GLYATL2: variants seen among roughly 807,000 people sequenced by gnomAD.
The protein encoded by GLYATL2 is glycine-N-acyltransferase like 2.
GLYATL2 carries 25 observed loss-of-function variants against 21.4 expected under a neutral mutation model. The observed-to-expected ratio is 1.17, with a 90% CI of 0.85 to 1.63. GLYATL2 has a LOEUF of 1.63. GLYATL2 is among the 40% of genes most tolerant of loss of function. The pLI, the probability that GLYATL2 is intolerant of heterozygous loss-of-function variation, is 0.00. For missense variants in GLYATL2, 361 were observed against 343.3 expected, an observed-to-expected ratio of 1.05 and a Z score of -0.41; for synonymous variants, 114 against 118.2, an observed-to-expected ratio of 0.96 and a Z score of 0.23.
At chr11:58,870,311 G>A (rs1171767120) in intron 1 of GLYATL2, among the ~76,000 whole-genome samples, 3 of 152,298 alleles carry the variant, frequency 2.0e-5, no homozygotes, top group East Asian at 1.9e-4. Context: ...GGACAGCTAC[G>A]TGCTTGAAGC....
upstream of GLYATL2, chr11:58,907,455 A>AT (rs1854926282): frequency 2.6e-5 from 11 of 424,076 alleles, no homozygotes; most frequent in South Asian, 1.8e-4. Flanking sequence ...GCAAACCATT[A>AT]TTTCATGTAT....
At chr11:58,895,795 C>T (rs999397912) in intron 1 of GLYATL2, among the ~76,000 whole-genome samples, 2 of 151,834 alleles carry the variant, frequency 1.3e-5, no homozygotes, top group Non-Finnish European at 2.9e-5. Flanking sequence ...AAGTAAATGC[C>T]GGCACCTATG....
At chr11:58,886,682 T>C (rs550275) in intron 1 of GLYATL2, among the ~76,000 whole-genome samples, 131,892 of 152,000 alleles carry the variant, frequency 0.87, 58,521 homozygotes, top group Non-Finnish European at 0.96. Flanking sequence ...GCTGAAATAG[T>C]AATACAAACC....
chr11:58,875,096 AG>A (rs2134606522), intron 1 of GLYATL2, among the ~76,000 whole-genome samples: 1 of 152,314 alleles, frequency 6.6e-6, no homozygotes, highest in South Asian at 2.1e-4. Context: ...GTTTTATCAG[AG>A]ACTAGGATTA....
At chr11:58,838,165 G>T in intron 3 of GLYATL2, 96 bp downstream of exon 3, 1 of 774,182 alleles carries the variant, frequency 1.3e-6, no homozygotes, top group Non-Finnish European at 2.2e-6. Context: ...CAGTGTCAAT[G>T]TTCTTCTCAC....
At chr11:58,868,761 C>T (rs2134600663) in intron 1 of GLYATL2, among the ~76,000 whole-genome samples, 1 of 149,206 alleles carries the variant, frequency 6.7e-6, no homozygotes, top group South Asian at 2.1e-4. Context: ...CGCAGCTGGC[C>T]TTAACCATGT....
chr11:58,837,297 C>G lies in GLYATL2; in HGVS notation c.287G>C (p.Ser96Thr). 1 of 1,613,958 alleles carries G rather than the reference C, an allele frequency of 6.2e-7. No homozygotes were observed. The highest frequency in any genetic ancestry group is 8.5e-7 in the Non-Finnish European group (1 of 1,179,854). The change falls in exon 4 of 6, where the codon AGC becomes ACC. Residue 96 changes from serine (S) to threonine (T), a missense_variant. Coordinates refer to ENST00000287275, the MANE Select transcript of GLYATL2 (RefSeq NM_145016.4). ...EEVLSYSNVISWEQTLQIQGC... is the reference protein window; with the variant it reads ...EEVLSYSNVITWEQTLQIQGC... ...TTGGATCTGCAAAGTTTGCTCCCAG[C>G]TGATTACATTGGAGTATGACAGGAC...
chr11:58,834,295 T>C lies in GLYATL2; in HGVS notation c.*134A>G. On this transcript the variant is annotated 3_prime_UTR_variant, in exon 6 of 6. Coordinates refer to ENST00000287275, the MANE Select transcript of GLYATL2 (RefSeq NM_145016.4). Reference sequence around the variant, plus strand: ...ACAGAGGAGAAGGAAGGTAAAACTGTTAAGGGTGAGCTTAAGTAATACACA... The same window carrying C: ...ACAGAGGAGAAGGAAGGTAAAACTGCTAAGGGTGAGCTTAAGTAATACACA... The C allele has an allele frequency of 1.6e-6, 1 of 644,568 alleles. No individual in the cohort carries two copies. Among genetic ancestry groups the C allele is most frequent in the Non-Finnish European group, 2.5e-6 (1 of 401,826 alleles). 39.9% of individuals were successfully genotyped at this position (644,568 alleles called of 1,614,324 possible).
At chr11:58,839,691 A>G in intron 1 of GLYATL2, 39 bp from the exon 2 acceptor site, 1 of 932,358 alleles carries the variant, frequency 1.1e-6, no homozygotes, top group Non-Finnish European at 1.7e-6. Flanking sequence ...ACCTAGAGAG[A>G]TATGATAGGT....
At position 58,875,784 on chromosome 11, in the gene GLYATL2, C is replaced by T. The variant is rs146601821; in HGVS notation, n.60+28372G>A. Among the ~76,000 whole-genome samples, 701 of 152,182 alleles carry T rather than the reference C, an allele frequency of 4.6e-3. 3 individuals carry two copies. Among genetic ancestry groups the T allele is most frequent in the African/African-American group, 0.015 (602 of 41,502 alleles). On this transcript the variant is annotated intron_variant and non_coding_transcript_variant, in intron 1 of 4. Coordinates refer to the GLYATL2 transcript ENST00000533636. ...TTATGTGTATTGGAGTTGCTCTTCTCGAGGAGTATATTTGTGGCATTCTCT... is the reference window on the plus strand; with the variant it reads ...TTATGTGTATTGGAGTTGCTCTTCTTGAGGAGTATATTTGTGGCATTCTCT...
intron 1 of GLYATL2, among the ~76,000 whole-genome samples, chr11:58,855,261 T>C (rs1208500183): frequency 6.6e-6 from 1 of 152,224 alleles, no homozygotes; most frequent in Non-Finnish European, 1.5e-5. Flanking sequence ...TTGAAATTAC[T>C]CCTTGATCTA....
chr11:58,879,480 G>A (rs1419756992), intron 1 of GLYATL2, among the ~76,000 whole-genome samples: 1 of 152,092 alleles, frequency 6.6e-6, no homozygotes, highest in Non-Finnish European at 1.5e-5. Context: ...TCTCTTCAGT[G>A]TACTTTAAAC....
At chr11:58,872,483 A>C (rs1854141984) in intron 1 of GLYATL2, among the ~76,000 whole-genome samples, 1 of 152,246 alleles carries the variant, frequency 6.6e-6, no homozygotes, top group Non-Finnish European at 1.5e-5. Context: ...GAAGAGATCC[A>C]GTTTCAGCTT....
At position 58,896,698 on chromosome 11, in the gene GLYATL2, TCTTAA is replaced by T. The variant is rs558410935; in HGVS notation, n.60+7453_60+7457del. Among the ~76,000 whole-genome samples, 347 of 63,648 alleles carry T rather than the reference TCTTAA, an allele frequency of 5.5e-3. 1 individual carries two copies. Among genetic ancestry groups the T allele is most frequent in the African/African-American group, 0.012 (326 of 26,892 alleles). 41.8% of individuals were successfully genotyped at this position (63,648 alleles called of 152,430 possible). ...AGCATATCCTAGGCAACTTTCCACT[TCTTAA>T]CTTCTGTCGTTTTCAAACTTAAACG... On this transcript the variant is annotated intron_variant and non_coding_transcript_variant, in intron 1 of 4. Coordinates refer to the GLYATL2 transcript ENST00000533636.
chr11:58,836,520 T>A lies in GLYATL2; in HGVS notation c.476+495A>T, dbSNP rs752455491. 5.3e-5 allele frequency among the ~76,000 whole-genome samples: 8 copies of A among 152,302 alleles called. No individual in the cohort carries two copies. The East Asian group carries it at 1.4e-3, about 26-fold the overall frequency. On this transcript the variant is annotated intron_variant, in intron 5 of 5. Coordinates refer to ENST00000287275, the MANE Select transcript of GLYATL2 (RefSeq NM_145016.4). Reference sequence around the variant, plus strand: ...TCTTTCAGATATATTTACACAACTGTGCAATGATCTATTTATGATGATATT... The same window carrying A: ...TCTTTCAGATATATTTACACAACTGAGCAATGATCTATTTATGATGATATT...
In GLYATL2 at chr11:58,884,698, A is replaced by T. The variant is rs572575655; in HGVS notation, n.60+19458T>A. Reference sequence around the variant, plus strand: ...GAGGAAGGGCATGGGGTTTGGAGCCATTCATATATGGTTTCAAAATCTGAC... The same window carrying T: ...GAGGAAGGGCATGGGGTTTGGAGCCTTTCATATATGGTTTCAAAATCTGAC... On this transcript the variant is annotated intron_variant and non_coding_transcript_variant, in intron 1 of 4. Coordinates refer to the GLYATL2 transcript ENST00000533636. Among the ~76,000 whole-genome samples, 52 of 152,254 alleles carry T rather than the reference A, an allele frequency of 3.4e-4. 2 individuals carry two copies. The highest frequency in any genetic ancestry group is 7.7e-4 in the East Asian group (4 of 5,178).
At chr11:58,845,918 T>C (rs1853634094), upstream of GLYATL2, among the ~76,000 whole-genome samples, 2 of 152,232 alleles carry the variant, frequency 1.3e-5, no homozygotes, top group East Asian at 3.9e-4. Flanking sequence ...AATTTAATAC[T>C]ATCTACACAT....
intron 2 of GLYATL2, 36 bp from the exon 3 acceptor site, chr11:58,838,404 G>C: frequency 4.6e-6 from 6 of 1,297,938 alleles, no homozygotes; most frequent in Non-Finnish European, 6.7e-6. Flanking sequence ...AGAGGATGAA[G>C]TTCTTCTCCA....
chr11:58,881,752 G>C (rs190656059), intron 1 of GLYATL2, among the ~76,000 whole-genome samples: 1 of 151,828 alleles, frequency 6.6e-6, no homozygotes, highest in South Asian at 2.1e-4. Flanking sequence ...TCCACCCCAC[G>C]ACAGGCCCCA....
Sources: allele counts gnomAD v4.1 joint callset (sites outside exome capture counted in the v4.1 genomes callset), GRCh38; gene constraint gnomAD v4.1.1; transcripts MANE v1.5; gene names NCBI Gene and HGNC (gene_info 2026-07-23, HGNC 2026-07-21).